Variants in AKAP6 observed in about 807,000 individuals in gnomAD.
AKAP6 encodes the protein A-kinase anchor protein 6.
Under a neutral mutation model 188.5 loss-of-function variants are expected in AKAP6, and 58 were observed. The ratio of observed to expected loss-of-function variants is 0.31; its 90% CI spans 0.25 to 0.38. The LOEUF (loss-of-function observed/expected upper bound fraction) is 0.38. Ranked by LOEUF, AKAP6 falls within the 10% of genes least tolerant of loss-of-function variation. AKAP6 has a pLI of 1.00. For synonymous variants in AKAP6, 989 were observed against 998.6 expected (o/e 0.99, Z 0.18); for missense variants, 2,710 against 2,740.0 (o/e 0.99, Z 0.24).
intron 1 of AKAP6, among the ~76,000 whole-genome samples, chr14:32,405,810 A>G (rs1028624639): frequency 1.3e-5 from 2 of 152,114 alleles, no homozygotes; most frequent in African/African-American, 2.4e-5. Flanking sequence ...CATGATTGCA[A>G]TATTTCCTGA....
intron 1 of AKAP6, among the ~76,000 whole-genome samples, chr14:32,393,977 C>T (rs934722454): frequency 1.1e-4 from 17 of 152,232 alleles, no homozygotes; most frequent in African/African-American, 4.1e-4. Context: ...TGACCTTCAA[C>T]TTGGTTCCCC....
intron 1 of AKAP6, among the ~76,000 whole-genome samples, chr14:32,388,641 C>T (rs1888609458): frequency 6.6e-6 from 1 of 152,044 alleles, no homozygotes; most frequent in African/African-American, 2.4e-5. Flanking sequence ...TACTTAACTT[C>T]CATGTATTTG....
Position 32,735,778 on chromosome 14 carries a change from C to T in AKAP6, c.3268C>T (p.Leu1090=), listed in dbSNP as rs778448458. Residue 1090 remains leucine (L), a synonymous_variant, in exon 11 of 14, where the codon CTG becomes TTG. Transcript: ENST00000280979. ...VRQLEVRIKE[L]KGWLRDTELF... ...GCAGCTGGAGGTCAGGATCAAAGAA[C>T]TGAAAGGATGGCTAAGAGATACAGA... 4 of 1,613,458 alleles carry T rather than the reference C, an allele frequency of 2.5e-6. No individual in the cohort carries two copies. The South Asian group carries it at 3.3e-5, about 13-fold the overall frequency.
chr14:32,741,022 T>G, intron 11 of AKAP6, among the ~76,000 whole-genome samples: 1 of 151,086 alleles, frequency 6.6e-6, no homozygotes, highest in East Asian at 1.9e-4. Flanking sequence ...TTTTTTCTTT[T>G]TTTTTTTTTG....
intron 2 of AKAP6, among the ~76,000 whole-genome samples, chr14:32,512,118 T>G (rs968016299): frequency 6.6e-6 from 1 of 152,198 alleles, no homozygotes; most frequent in African/African-American, 2.4e-5. Flanking sequence ...TAAATAGTGG[T>G]GGGATGGGCA....
chr14:32,678,916 G>A (rs1477722722), intron 8 of AKAP6, among the ~76,000 whole-genome samples: 1 of 152,150 alleles, frequency 6.6e-6, no homozygotes, highest in African/African-American at 2.4e-5. Flanking sequence ...CCATGGGCTA[G>A]CCACTTAGCT....
intron 1 of AKAP6, among the ~76,000 whole-genome samples, chr14:32,404,691 GATATAT>G (rs55702209): frequency 9.0e-5 from 4 of 44,438 alleles, no homozygotes; most frequent in East Asian, 1.1e-3. Flanking sequence ...GGAGTCAGGA[GATATAT>G]ATATATATAT....
rs770533562 is a variant in AKAP6 at position 32,735,615 on chromosome 14, T to G, written c.3148-43T>G. On this transcript the variant is annotated intron_variant, in intron 10 of 13. Coordinates refer to ENST00000280979, the MANE Select transcript of AKAP6 (RefSeq NM_004274.5). Reference sequence around the variant, plus strand: ...TTTTGTTGTTCGTGGGGTTTTTTTTTGTTTGTTTGTTTTATTTTTTGTTTT... The same window carrying G: ...TTTTGTTGTTCGTGGGGTTTTTTTTGGTTTGTTTGTTTTATTTTTTGTTTT... 8 of 1,416,982 alleles carry G rather than the reference T, an allele frequency of 5.6e-6. No individual in the cohort carries two copies. The East Asian group carries it at 1.2e-4, about 21-fold the overall frequency. 87.8% of individuals were successfully genotyped at this position (1,416,982 alleles called of 1,614,324 possible).
chr14:32,706,939 T>C (rs17099471), intron 9 of AKAP6, among the ~76,000 whole-genome samples: 2,943 of 152,230 alleles, frequency 0.019, 109 homozygotes, highest in African/African-American at 0.067. Flanking sequence ...TCCAGAAGGA[T>C]AGCTATACCC....
intron 1 of AKAP6, among the ~76,000 whole-genome samples, chr14:32,359,792 A>G (rs1887599982): frequency 6.6e-6 from 1 of 152,178 alleles, no homozygotes; most frequent in Non-Finnish European, 1.5e-5. Context: ...GGCTGAGGTT[A>G]TCAGTTTTTG....
intron 6 of AKAP6, 71 bp downstream of exon 6, chr14:32,599,577 A>T: frequency 1.1e-5 from 12 of 1,130,366 alleles, no homozygotes; most frequent in Non-Finnish European, 1.6e-5. Flanking sequence ...ATTGCTGTAA[A>T]TTACTGCATA....
chr14:32,432,874 G>A (rs1461368578), intron 1 of AKAP6, among the ~76,000 whole-genome samples: 2 of 152,148 alleles, frequency 1.3e-5, no homozygotes, highest in African/African-American at 2.4e-5. Context: ...TAGCTCCTCC[G>A]GTATCAAGTG....
intron 13 of AKAP6, among the ~76,000 whole-genome samples, chr14:32,826,934 A>G (rs2034689046): frequency 1.3e-5 from 2 of 152,112 alleles, no homozygotes; most frequent in Non-Finnish European, 2.9e-5. Flanking sequence ...ATCGCCCCCA[A>G]GTGACTTGTT....
At position 32,455,826 on chromosome 14, in the gene AKAP6, C is replaced by A. The variant is rs989368274; in HGVS notation, c.324+22009C>A. 3.8e-4 allele frequency among the ~76,000 whole-genome samples: 58 copies of A among 152,218 alleles called. 1 individual carries two copies. The highest frequency in any genetic ancestry group is 7.5e-4 in the African/African-American group (31 of 41,528). On this transcript the variant is annotated intron_variant, in intron 2 of 13. Transcript: ENST00000280979. ...AAAATTATATAACACTTGTAACCTG[C>A]CCCCAACCTACTTTGGAAGTACTGA... is the stretch of plus-strand genomic sequence containing the variant.
chr14:32,683,460 C>A (rs1252884615), intron 8 of AKAP6, among the ~76,000 whole-genome samples: 1 of 152,142 alleles, frequency 6.6e-6, no homozygotes, highest in Non-Finnish European at 1.5e-5. Flanking sequence ...GGAGAAGGAA[C>A]CATTCTGATG....
At chr14:32,378,423 A>C (rs1301668313) in intron 1 of AKAP6, among the ~76,000 whole-genome samples, 1 of 152,202 alleles carries the variant, frequency 6.6e-6, no homozygotes, top group East Asian at 1.9e-4. Flanking sequence ...CCCATGAAAT[A>C]TCTTATGTGT....
intron 10 of AKAP6, among the ~76,000 whole-genome samples, chr14:32,735,155 G>A (rs770184344): frequency 2.0e-5 from 3 of 152,054 alleles, no homozygotes; most frequent in African/African-American, 4.8e-5. Flanking sequence ...ATATGGTTTC[G>A]GAAATATGTC....
At chr14:32,526,114 G>C (rs1173070718) in intron 2 of AKAP6, among the ~76,000 whole-genome samples, 2 of 152,124 alleles carry the variant, frequency 1.3e-5, no homozygotes, top group African/African-American at 4.8e-5. Flanking sequence ...GCCCAGGCTG[G>C]AGTACAGTGG....
At chr14:32,439,422 T>G (rs1344433339) in intron 2 of AKAP6, among the ~76,000 whole-genome samples, 1 of 152,072 alleles carries the variant, frequency 6.6e-6, no homozygotes, top group African/African-American at 2.4e-5. Context: ...TGTGGTACAG[T>G]ATGTTCCCAG....
Sources: allele counts gnomAD v4.1 joint callset (sites outside exome capture counted in the v4.1 genomes callset), GRCh38; gene constraint gnomAD v4.1.1; transcripts MANE v1.5; gene names NCBI Gene and HGNC (gene_info 2026-07-23, HGNC 2026-07-21).